SGPL1: variants seen among roughly 807,000 people sequenced by gnomAD.
The protein encoded by SGPL1 is SP-lyase 1.
A neutral mutation model predicts 68.9 loss-of-function variants in SGPL1; 37 were observed. That is an observed-to-expected ratio of 0.54 (90% confidence interval 0.41 to 0.71). SGPL1 has a LOEUF of 0.71. Among genes scored for constraint, SGPL1 ranks in the 30% least tolerant of loss-of-function variants. The pLI is 0.00. For synonymous variants in SGPL1, 236 were observed against 248.5 expected (o/e 0.95, Z 0.47); for missense variants, 551 against 704.6 (o/e 0.78, Z 2.47).
At chr10:70,826,867 A>G (rs1015206663) in intron 2 of SGPL1, among the ~76,000 whole-genome samples, 5 of 152,088 alleles carry the variant, frequency 3.3e-5, no homozygotes, top group African/African-American at 9.7e-5. Context: ...AAGTTCATTC[A>G]TTTTTATTGC....
At chr10:70,818,964 G>T (rs183173375) in intron 2 of SGPL1, among the ~76,000 whole-genome samples, 288 of 152,196 alleles carry the variant, frequency 1.9e-3, no homozygotes, top group Middle Eastern at 0.017. Context: ...AGAAATAACC[G>T]CTGTGAGCAT....
At chr10:70,844,153 G>A (rs142823075) in intron 2 of SGPL1, among the ~76,000 whole-genome samples, 1 of 152,332 alleles carries the variant, frequency 6.6e-6, no homozygotes, top group African/African-American at 2.4e-5. Flanking sequence ...TGAGTTAAGA[G>A]AGTGGGACAG....
intron 9 of SGPL1, among the ~76,000 whole-genome samples, 158 bp from the exon 10 acceptor site, chr10:70,870,890 C>T (rs1258570543): frequency 6.6e-6 from 1 of 152,182 alleles, no homozygotes; most frequent in African/African-American, 2.4e-5. Context: ...TGTCCTGTCA[C>T]CGTGGTGGGA....
rs1330399893 is a variant in SGPL1 at position 70,871,893 on chromosome 10, C to T, written c.966C>T (p.Leu322=). Residue 322 remains leucine, a synonymous_variant, in exon 11 of 15, where the codon CTC becomes CTT. Transcript: ENST00000373202. The part of the protein sequence containing the change: ...LHVDACLGGF[L]IVFMEKAGYP... ...TCGACGCTTGTCTGGGAGGCTTCCT[C>T]ATCGTCTTTATGGAGAAAGCAGGAT... 1.1e-5 allele frequency: 17 copies of T among 1,614,126 alleles called. No individual in the cohort carries two copies. The highest frequency in any genetic ancestry group is 1.3e-5 in the Non-Finnish European group (15 of 1,180,010).
At chr10:70,835,735 C>CAAAAAAAAAAAAAAAAAAAAAAA (rs66962270) in intron 2 of SGPL1, among the ~76,000 whole-genome samples, 2 of 70,154 alleles carry the variant, frequency 2.9e-5, no homozygotes, top group African/African-American at 1.2e-4. Flanking sequence ...GACTCCGTCT[C>CAAAAAAAAAAAAAAAAAAAAAAA]AAAAAAAAAA....
intron 3 of SGPL1, among the ~76,000 whole-genome samples, chr10:70,848,358 CAAAT>C (rs745332377): frequency 1.4e-5 from 2 of 138,690 alleles, no homozygotes; most frequent in Non-Finnish European, 3.1e-5. Flanking sequence ...TTTAAAGTAA[CAAAT>C]AAAAATTGTA....
intron 12 of SGPL1, 78 bp downstream of exon 12, chr10:70,873,667 G>A: frequency 9.3e-7 from 1 of 1,074,688 alleles, no homozygotes; most frequent in Non-Finnish European, 1.4e-6. Flanking sequence ...GCCTGGCTAA[G>A]TATCCATAGC....
chr10:70,844,769 CTCCA>C, intron 3 of SGPL1, 131 bp downstream of exon 3: 1 of 848,454 alleles, frequency 1.2e-6, no homozygotes, highest in East Asian at 2.6e-5. Flanking sequence ...GAGACGGAGT[CTCCA>C]TCTGTTGCTA....
intron 2 of SGPL1, among the ~76,000 whole-genome samples, chr10:70,843,709 T>A (rs1845750532): frequency 6.6e-6 from 1 of 152,208 alleles, no homozygotes; most frequent in Admixed American, 6.5e-5. Context: ...GATGGTAAGA[T>A]ATGGTTGCTG....
intron 3 of SGPL1, among the ~76,000 whole-genome samples, chr10:70,846,638 C>T (rs552802496): frequency 3.4e-4 from 51 of 152,222 alleles, no homozygotes; most frequent in African/African-American, 1.2e-3. Flanking sequence ...TATTGTATCG[C>T]CTTGTTTTAC....
chr10:70,822,449 A>T lies in SGPL1; in HGVS notation c.27+5569A>T, dbSNP rs536957082. On this transcript the variant is annotated intron_variant, in intron 2 of 14. Transcript: ENST00000373202. ...TACCTTCTTAATTAGGTTTTACCCA[A>T]TCTAATATTATATACAGTTTGTGCA... 2.0e-5 allele frequency among the ~76,000 whole-genome samples: 3 copies of T among 152,340 alleles called. No individual in the cohort carries two copies. In the South Asian group the frequency reaches 6.2e-4, roughly 32 times the overall value.
At chr10:70,820,826 T>C (rs956113894) in intron 2 of SGPL1, among the ~76,000 whole-genome samples, 2 of 152,202 alleles carry the variant, frequency 1.3e-5, no homozygotes, top group Non-Finnish European at 2.9e-5. Flanking sequence ...TAATGAATTA[T>C]ATTGAAATTT....
chr10:70,823,324 T>G lies in SGPL1; in HGVS notation c.27+6444T>G, dbSNP rs961570306. Among the ~76,000 whole-genome samples, 5 of 150,072 alleles carry G rather than the reference T, an allele frequency of 3.3e-5. 1 individual carries two copies. Among genetic ancestry groups the G allele is most frequent in the African/African-American group, 1.2e-4 (5 of 41,256 alleles). Reference sequence around the variant, plus strand: ...TTCTCTTTTCAGCCCTAGTAAAAGTTTTGTTTAATTCTAAGATGCCATCAT... The same window carrying G: ...TTCTCTTTTCAGCCCTAGTAAAAGTGTTGTTTAATTCTAAGATGCCATCAT... On this transcript the variant is annotated intron_variant, in intron 2 of 14. Transcript: ENST00000373202.
At chr10:70,869,978 C>A in intron 9 of SGPL1, 81 bp downstream of exon 9, 2 of 1,115,166 alleles carry the variant, frequency 1.8e-6, no homozygotes, top group South Asian at 1.3e-5. Context: ...CGTTTCCAGT[C>A]AGATGGGTCT....
At chr10:70,821,235 A>C (rs1845333080) in intron 2 of SGPL1, among the ~76,000 whole-genome samples, 2 of 152,352 alleles carry the variant, frequency 1.3e-5, no homozygotes, top group Admixed American at 6.5e-5. Context: ...AATTCAAGTC[A>C]GACAGCTTTG....
chr10:70,835,861 C>A (rs576006300), intron 2 of SGPL1, among the ~76,000 whole-genome samples: 14 of 151,908 alleles, frequency 9.2e-5, no homozygotes, highest in Non-Finnish European at 1.9e-4. Context: ...TCAGTAAAAT[C>A]ATTAGGGCAT....
intron 2 of SGPL1, among the ~76,000 whole-genome samples, chr10:70,827,673 T>C (rs944955793): frequency 6.6e-5 from 10 of 152,170 alleles, no homozygotes; most frequent in South Asian, 6.2e-4. Flanking sequence ...AAAAAAATCA[T>C]AGGGCTTTTT....
chr10:70,839,123 A>G (rs780953429), intron 2 of SGPL1, among the ~76,000 whole-genome samples: 8 of 152,206 alleles, frequency 5.3e-5, no homozygotes, highest in Admixed American at 1.3e-4. Context: ...TCTAACGATT[A>G]GGATTATTGA....
chr10:70,840,446 A>G (rs1172757507), intron 2 of SGPL1, among the ~76,000 whole-genome samples: 4 of 152,082 alleles, frequency 2.6e-5, no homozygotes, highest in Non-Finnish European at 5.9e-5. Flanking sequence ...CCTTTAGTCC[A>G]AGGAGATAGG....
Sources: gnomAD v4.1 joint callset for allele counts (sites outside exome capture counted in the v4.1 genomes callset) on GRCh38, gnomAD v4.1.1 for gene constraint, MANE v1.5 for transcripts, NCBI Gene and HGNC (gene_info 2026-07-23, HGNC 2026-07-21) for gene names.